Variants in PNPO observed in about 807,000 individuals in gnomAD.
PNPO encodes pyridoxine-5'-phosphate oxidase.
PNPO carries 39 observed loss-of-function variants against 35.0 expected under a neutral mutation model. The observed-to-expected ratio is 1.11, with a 90% CI of 0.86 to 1.45. The LOEUF (loss-of-function observed/expected upper bound fraction) is 1.45. Among genes scored for constraint, PNPO ranks in the 40% most tolerant of loss-of-function variants. The pLI is 0.00. For synonymous variants in PNPO, 115 were observed against 119.8 expected, an observed-to-expected ratio of 0.96 and a Z score of 0.26; for missense variants, 288 against 340.0, an observed-to-expected ratio of 0.85 and a Z score of 1.20.
intron 2 of PNPO, 91 bp from the exon 3 acceptor site, chr17:47,944,525 G>T (rs982374133): frequency 1.5e-5 from 15 of 979,850 alleles, no homozygotes; most frequent in Non-Finnish European, 2.1e-5. Context: ...GGTGCAGCTG[G>T]AGGGGGTGCT....
intron 2 of PNPO, 24 bp from the exon 3 acceptor site, chr17:47,944,592 C>T (rs1186073339): frequency 6.4e-7 from 1 of 1,566,806 alleles, no homozygotes; most frequent in African/African-American, 1.4e-5. Flanking sequence ...ACTCTGACCA[C>T]AGTGCTCTGC....
At position 47,946,639 on chromosome 17, in the gene PNPO, G is replaced by T. The variant is rs1307726861; in HGVS notation, c.643G>T (p.Val215Leu). 5 of 1,614,080 alleles carry T rather than the reference G, an allele frequency of 3.1e-6. No homozygotes were observed. Among genetic ancestry groups the T allele is most frequent in the Non-Finnish European group, 4.2e-6 (5 of 1,180,030 alleles). ...GGGTGGCTATGTCCTGTACCCTCAGGTGATGGAGTTCTGGCAAGGTCAAAC... is the reference window on the plus strand; with the variant it reads ...GGGTGGCTATGTCCTGTACCCTCAGTTGATGGAGTTCTGGCAAGGTCAAAC... ...SWGGYVLYPQVMEFWQGQTNR... is the reference protein window; with the variant it reads ...SWGGYVLYPQLMEFWQGQTNR... The change falls in exon 7 of 7, where the codon GTG (valine) becomes TTG (leucine). Residue 215 changes from valine to leucine, a missense_variant. Val to Leu is a conservative substitution (Grantham distance 32). Transcript: ENST00000642017.
Position 47,945,914 on chromosome 17 carries a change from C to A in PNPO, c.471C>A (p.Tyr157Ter), listed in dbSNP as rs148597698. The A allele has an allele frequency of 1.1e-5, 17 of 1,613,950 alleles. No homozygotes were observed. Among genetic ancestry groups the A allele is most frequent in the Middle Eastern group, 1.7e-4 (1 of 6,060 alleles). ...KKLPEEEAEC[Y>*]FHSRPKSSQI... ...TGCCTGAGGAGGAGGCTGAGTGCTA[C>A]TTCCACTCCCGCCCCAAGAGCAGCC... is the stretch of plus-strand genomic sequence containing the variant. Residue 157 changes from tyrosine (Y) to a stop codon, truncating the protein, a stop_gained, in exon 5 of 7, where the codon TAC (tyrosine) becomes TAA (stop). Transcript: ENST00000642017. LOFTEE classifies it high-confidence loss of function. This position sits in a 1 kb window ranked among gnomAD's most constrained non-coding sequence, Gnocchi z 4.0.
intron 1 of PNPO, 94 bp downstream of exon 1, chr17:47,941,907 G>C: frequency 7.1e-7 from 1 of 1,403,180 alleles, no homozygotes; most frequent in Non-Finnish European, 9.3e-7. Context: ...GGAGCCCCTC[G>C]GGGCTTCTGG....
chr17:47,945,473 C>G lies in PNPO; in HGVS notation c.364-86C>G, dbSNP rs887652580. ...GGTGCATCTGCTGTGGGCCTGCGCA[C>G]TACAGCTCTCCTGCCTTTTCCCTGC... On this transcript the variant is annotated intron_variant, in intron 3 of 6. Coordinates refer to ENST00000642017, the MANE Select transcript of PNPO (RefSeq NM_018129.4). This position sits in a 1 kb window ranked among gnomAD's most constrained non-coding sequence, Gnocchi z 4.0. 4.8e-6 allele frequency: 5 copies of G among 1,051,104 alleles called. No individual in the cohort carries two copies. In the East Asian group the frequency reaches 7.1e-5, roughly 15 times the overall value. The allele number at this position is 1,051,104 out of a possible 1,614,324, so 65.1% of individuals were successfully genotyped here. A position where few individuals can be genotyped will look rare whatever the true frequency, so the allele number is the denominator to read the frequency against.
chr17:47,945,462 G>C lies in PNPO; in HGVS notation c.364-97G>C. The C allele has an allele frequency of 1.1e-6, 1 of 902,734 alleles. No individual in the cohort carries two copies. The allele number at this position is 902,734 out of a possible 1,614,324, so 55.9% of individuals were successfully genotyped here. A position where few individuals can be genotyped will look rare whatever the true frequency, so the allele number is the denominator to read the frequency against. ...CTCTTACGGTGGGTGCATCTGCTGT[G>C]GGCCTGCGCACTACAGCTCTCCTGC... On this transcript the variant is annotated intron_variant, in intron 3 of 6. Transcript: ENST00000642017. This position sits in a 1 kb window ranked among gnomAD's most constrained non-coding sequence, Gnocchi z 4.0.
intron 1 of PNPO, chr17:47,942,110 A>T (rs2144157168): frequency 9.9e-7 from 1 of 1,012,616 alleles, no homozygotes; most frequent in South Asian, 3.7e-5. Context: ...TCTGGGCCTC[A>T]GTTTCCTCAT....
chr17:47,941,851 GGA>G, intron 1 of PNPO, 38 bp downstream of exon 1: 1 of 1,536,444 alleles, frequency 6.5e-7, no homozygotes, highest in African/African-American at 1.4e-5. Flanking sequence ...CAGGGGCGGG[GGA>G]AAAGGGGTCC....
chr17:47,944,545 T>G, intron 2 of PNPO, 71 bp from the exon 3 acceptor site: 1 of 1,210,642 alleles, frequency 8.3e-7, no homozygotes, highest in Non-Finnish European at 1.2e-6. Context: ...TGAGACATCC[T>G]TTGGGGAGAG....
Position 47,946,876 on chromosome 17 carries a change from A to T in PNPO, c.*94A>T, listed in dbSNP as rs1014335830. ...AGGCCCTTCTTTCTAAACTCAACCC[A>T]TTTCCCTCCCTACCCCTTATCTTCA... On this transcript the variant is annotated 3_prime_UTR_variant, in exon 7 of 7. Coordinates refer to ENST00000642017, the MANE Select transcript of PNPO (RefSeq NM_018129.4). 13 of 1,153,242 alleles carry T rather than the reference A, an allele frequency of 1.1e-5. 1 individual carries two copies. The highest frequency in any genetic ancestry group is 1.7e-5 in the Non-Finnish European group (13 of 776,800). 71.4% of individuals were successfully genotyped at this position (1,153,242 alleles called of 1,614,324 possible). A position where few individuals can be genotyped will look rare whatever the true frequency, so the allele number is the denominator to read the frequency against.
At chr17:47,946,140 G>A in intron 5 of PNPO, 151 bp downstream of exon 5, 1 of 1,163,818 alleles carries the variant, frequency 8.6e-7, no homozygotes, top group South Asian at 1.3e-5. Flanking sequence ...AGAAGGGAAA[G>A]TGGGGGTAGG....
chr17:47,942,101 C>A, intron 1 of PNPO: 1 of 1,102,750 alleles, frequency 9.1e-7, no homozygotes, highest in East Asian at 3.6e-5. Context: ...TTTAATGTAT[C>A]TGGGCCTCAG....
chr17:47,942,068 T>G, intron 1 of PNPO: 2 of 1,275,482 alleles, frequency 1.6e-6, no homozygotes, highest in South Asian at 2.5e-5. Context: ...GCTCGAACTT[T>G]GGAGCCTGCC....
rs1555563258 is a variant in PNPO, at chr17:47,945,476, C to T, written c.364-83C>T. 1 of 1,081,266 alleles carries T rather than the reference C, an allele frequency of 9.2e-7. No individual in the cohort carries two copies. Among genetic ancestry groups the T allele is most frequent in the African/African-American group, 1.5e-5 (1 of 65,000 alleles). The allele number at this position is 1,081,266 out of a possible 1,614,324, so 67.0% of individuals were successfully genotyped here. On this transcript the variant is annotated intron_variant, in intron 3 of 6. Coordinates refer to ENST00000642017, the MANE Select transcript of PNPO (RefSeq NM_018129.4). The surrounding 1 kb of genome is among the most constrained non-coding windows in gnomAD (Gnocchi z 4.0). ...GCATCTGCTGTGGGCCTGCGCACTA[C>T]AGCTCTCCTGCCTTTTCCCTGCATG...
chr17:47,944,819 T>A, intron 3 of PNPO, 104 bp downstream of exon 3: 1 of 915,482 alleles, frequency 1.1e-6, no homozygotes, highest in Non-Finnish European at 1.8e-6. Flanking sequence ...CTACTTGCTC[T>A]CTGTGTGCAG....
chr17:47,946,302 C>T (rs767706871), intron 5 of PNPO, 21 bp from the exon 6 acceptor site: 59 of 1,582,654 alleles, frequency 3.7e-5, no homozygotes, highest in Non-Finnish European at 4.3e-5. Flanking sequence ...GGCCCTTCTT[C>T]TAACTCTTCC....
chr17:47,943,157 C>A, intron 1 of PNPO, 149 bp from the exon 2 acceptor site: 1 of 608,712 alleles, frequency 1.6e-6, no homozygotes, highest in Non-Finnish European at 2.9e-6. Context: ...AAATGGGGCA[C>A]AGAATCTTCT....
chr17:47,945,389 T>G lies in PNPO; in HGVS notation c.364-170T>G. 1.5e-6 allele frequency: 1 copy of G among 663,556 alleles called. No individual in the cohort carries two copies. Among genetic ancestry groups the G allele is most frequent in the Non-Finnish European group, 2.8e-6 (1 of 361,336 alleles). 41.1% of individuals were successfully genotyped at this position (663,556 alleles called of 1,614,324 possible). Reference sequence around the variant, plus strand: ...AGGAACTTGGGCACGTGACTTAGCCTGTCTCTGTGTCTGTGACAATAGGCC... The same window carrying G: ...AGGAACTTGGGCACGTGACTTAGCCGGTCTCTGTGTCTGTGACAATAGGCC... On this transcript the variant is annotated intron_variant, in intron 3 of 6. Transcript: ENST00000642017. This position sits in a 1 kb window ranked among gnomAD's most constrained non-coding sequence, Gnocchi z 4.0.
chr17:47,945,565 A>G lies in PNPO; in HGVS notation c.370A>G (p.Asn124Asp). Residue 124 changes from asparagine (N) to aspartate (D), a missense_variant, in exon 4 of 7, where the codon AAT becomes GAT. Asn to Asp is a conservative substitution (Grantham distance 23, BLOSUM62 1). Transcript: ENST00000642017. This position sits in a 1 kb window ranked among gnomAD's most constrained non-coding sequence, Gnocchi z 4.0. Reference protein sequence around the residue: ...ESRKGKELDSNPFASLVFYWE... With the variant: ...ESRKGKELDSDPFASLVFYWE... ...GATTCTCTTTTACTTCTAGGACTCT[A>G]ATCCCTTTGCTTCCCTTGTCTTCTA... The G allele has an allele frequency of 1.9e-6, 3 of 1,612,850 alleles. No individual in the cohort carries two copies. The highest frequency in any genetic ancestry group is 2.5e-6 in the Non-Finnish European group (3 of 1,178,896).
Sources: gnomAD v4.1 joint callset for allele counts on GRCh38, gnomAD v4.1.1 for gene constraint, Gnocchi (gnomAD v3.1) non-coding constraint, MANE v1.5 for transcripts, NCBI Gene and HGNC (gene_info 2026-07-23, HGNC 2026-07-21) for gene names.